The following TEP1 variants were observed in gnomAD, a reference collection of about 807,000 sequenced individuals.
The protein encoded by TEP1 is telomerase protein component 1.
A neutral mutation model predicts 306.3 loss-of-function variants in TEP1; 241 were observed. The ratio of observed to expected loss-of-function variants is 0.79; its 90% CI spans 0.71 to 0.88. TEP1 has a LOEUF of 0.88. Among genes scored for constraint, TEP1 ranks in the 40% least tolerant of loss-of-function variants. TEP1 has a pLI of 0.00. For missense variants in TEP1, 3,051 were observed against 3,276.1 expected, an observed-to-expected ratio of 0.93 and a Z score of 1.68; for synonymous variants, 1,289 against 1,305.5, an observed-to-expected ratio of 0.99 and a Z score of 0.27.
chr14:20,373,460 G>A (rs777727282), intron 46 of TEP1, 47 bp downstream of exon 46: 12 of 1,613,856 alleles, frequency 7.4e-6, no homozygotes, highest in Admixed American at 3.3e-5. Context: ...AGGTTATTCC[G>A]CATACCTTCC....
At chr14:20,395,381 G>C (rs1290029608) in intron 12 of TEP1, 69 bp downstream of exon 12, 7 of 1,439,384 alleles carry the variant, frequency 4.9e-6, no homozygotes, top group East Asian at 4.6e-5. Context: ...GGGATTCCCA[G>C]ATGACTTCCA....
chr14:20,396,852 G>A, intron 9 of TEP1, 122 bp from the exon 10 acceptor site: 6 of 576,758 alleles, frequency 1.0e-5, no homozygotes, highest in East Asian at 3.0e-5. Flanking sequence ...CCAGAACCCA[G>A]GAATTAGAGT....
At chr14:20,395,971 G>A (rs1878169772) in intron 10 of TEP1, 22 bp from the exon 11 acceptor site, 1 of 1,607,186 alleles carries the variant, frequency 6.2e-7, no homozygotes, top group Middle Eastern at 1.7e-4. Context: ...AGGAGGGAGG[G>A]GTCATGAGCA....
rs1224226081 is a variant in TEP1, at chr14:20,381,723, G to A, written c.4425-37C>T. On this transcript the variant is annotated intron_variant, in intron 30 of 54. Transcript: ENST00000262715. The surrounding 1 kb of genome is among the most constrained non-coding windows in gnomAD (Gnocchi z 4.0). ...TGAGGAAGGGAGAGAGAAGAAGGAA[G>A]AGGCCTGTCAGTGAGCTTCCTGGCA... 6.4e-7 allele frequency: 1 copy of A among 1,558,402 alleles called. No homozygotes were observed. The highest frequency in any genetic ancestry group is 1.4e-5 in the African/African-American group (1 of 72,546).
intron 5 of TEP1, among the ~76,000 whole-genome samples, 179 bp downstream of exon 5, chr14:20,404,432 A>G (rs1321381230): frequency 6.6e-6 from 1 of 151,850 alleles, no homozygotes; most frequent in Non-Finnish European, 1.5e-5. Flanking sequence ...GCCCTTCTCA[A>G]TCACATTCTC....
At chr14:20,371,767 A>C (rs929045902) in intron 49 of TEP1, 135 bp from the exon 50 acceptor site, 12 of 1,132,838 alleles carry the variant, frequency 1.1e-5, no homozygotes, top group South Asian at 5.5e-5. Flanking sequence ...ATCCTGTTCC[A>C]CTTTCTGGTT....
At position 20,381,136 on chromosome 14, in the gene TEP1, C is replaced by A; in HGVS notation, c.4648-91G>T. 1 of 1,263,624 alleles carries A rather than the reference C, an allele frequency of 7.9e-7. No homozygotes were observed. Among genetic ancestry groups the A allele is most frequent in the Non-Finnish European group, 1.2e-6 (1 of 864,506 alleles). 78.3% of individuals were successfully genotyped at this position (1,263,624 alleles called of 1,614,324 possible). ...CAGAACCTGGATACAGAGATAGGATCTGAGCTGGGACAAAGGACTTGAAGA... is the reference window on the plus strand; with the variant it reads ...CAGAACCTGGATACAGAGATAGGATATGAGCTGGGACAAAGGACTTGAAGA... On this transcript the variant is annotated intron_variant, in intron 32 of 54. Transcript: ENST00000262715. The surrounding 1 kb of genome is among the most constrained non-coding windows in gnomAD (Gnocchi z 4.0).
intron 1 of TEP1, 87 bp downstream of exon 1, chr14:20,413,318 C>G (rs986862839): frequency 6.6e-6 from 1 of 152,544 alleles, no homozygotes; most frequent in Admixed American, 6.5e-5. Context: ...GCCTCAGAGC[C>G]CAGCGCCCTA....
intron 9 of TEP1, 53 bp downstream of exon 9, chr14:20,400,931 G>T: frequency 6.3e-7 from 1 of 1,583,644 alleles, no homozygotes. Context: ...CTAAAATGTG[G>T]AGGCATAAAT....
chr14:20,381,082 G>A lies in TEP1; in HGVS notation c.4648-37C>T, dbSNP rs1380625170. On this transcript the variant is annotated intron_variant, in intron 32 of 54. Transcript: ENST00000262715. The surrounding 1 kb of genome is among the most constrained non-coding windows in gnomAD (Gnocchi z 4.0). ...AGATTGAATTCATTAGGGATATGAAGGGGCTGGTGAGAAGGGACAGTTTAG... is the reference window on the plus strand; with the variant it reads ...AGATTGAATTCATTAGGGATATGAAAGGGCTGGTGAGAAGGGACAGTTTAG... The A allele has an allele frequency of 6.4e-7, 1 of 1,554,066 alleles. No homozygotes were observed. The highest frequency in any genetic ancestry group is 8.9e-7 in the Non-Finnish European group (1 of 1,125,634).
chr14:20,372,813 GGT>G lies in TEP1; in HGVS notation c.6994_6995del (p.Thr2332LeufsTer7). 1.2e-6 allele frequency: 2 copies of G among 1,614,156 alleles called. No homozygotes were observed. Among genetic ancestry groups the G allele is most frequent in the Non-Finnish European group, 1.7e-6 (2 of 1,180,040 alleles). ...IGALIWSSAHTFFVLSADEKI... is the reference protein window; with the variant it reads ...IGALIWSSAHXFFVLSADEKI... ...TCTCATCAGCACTGAGGACAAAAAA[GGT>G]GTGTGCCGAGGACCAGATCAGAGCA... On this transcript the variant is annotated frameshift_variant, in exon 49 of 55. Transcript: ENST00000262715. LOFTEE classifies it high-confidence loss of function.
chr14:20,387,674 T>C (rs1334870014), intron 18 of TEP1, among the ~76,000 whole-genome samples: 1 of 152,256 alleles, frequency 6.6e-6, no homozygotes. Flanking sequence ...ACGGCCATGA[T>C]GTCTGCCGTC....
chr14:20,371,252 A>T lies in TEP1; in HGVS notation c.7283T>A (p.Leu2428Gln), dbSNP rs754552198. 1.2e-6 allele frequency: 2 copies of T among 1,614,228 alleles called. No individual in the cohort carries two copies. Among genetic ancestry groups the T allele is most frequent in the Non-Finnish European group, 8.5e-7 (1 of 1,180,026 alleles). Reference sequence around the variant, plus strand: ...AAGAACTCCAGGATCCTTGGGCTGCAGGACAAATATGCCATACTCCTTGTG... The same window carrying T: ...AAGAACTCCAGGATCCTTGGGCTGCTGGACAAATATGCCATACTCCTTGTG... ...STHKEYGIFV[L>Q]QPKDPGVLSF... Residue 2428 changes from leucine (L) to glutamine (Q), a missense_variant, in exon 51 of 55, where the codon CTG becomes CAG. By Grantham distance (113) the Leu-to-Gln change is moderately radical (BLOSUM62 -2). Transcript: ENST00000262715.
chr14:20,388,909 G>A (rs1434644771), intron 17 of TEP1, among the ~76,000 whole-genome samples: 2 of 152,186 alleles, frequency 1.3e-5, no homozygotes, highest in African/African-American at 2.4e-5. Context: ...CAGCACTTTG[G>A]GAGGCTGAGG....
rs1381185818 is a variant in TEP1, at chr14:20,389,695, T to C, written c.2380A>G (p.Ile794Val). 3 of 1,614,240 alleles carry C rather than the reference T, an allele frequency of 1.9e-6. No individual in the cohort carries two copies. Among genetic ancestry groups the C allele is most frequent in the Non-Finnish European group, 2.5e-6 (3 of 1,180,042 alleles). ...CAGTAAAGCTGTTTGGCCACATTTA[T>C]CATTCCATCATCCATGCTTTGGCCA... ...LLGQSMDDGM[I>V]NVAKQLYWQR... The change falls in exon 16 of 55, where the codon ATA (isoleucine) becomes GTA (valine). Residue 794 changes from isoleucine (I) to valine (V), a missense_variant. Coordinates refer to ENST00000262715, the MANE Select transcript of TEP1 (RefSeq NM_007110.5).
chr14:20,371,357 A>G lies in TEP1; in HGVS notation c.7221-43T>C, dbSNP rs1201971708. 2.5e-6 allele frequency: 4 copies of G among 1,602,220 alleles called. No individual in the cohort carries two copies. In the East Asian group the frequency reaches 6.7e-5, roughly 27 times the overall value. ...AATAGGTTGAGCTCAGGATTTAAAGAGAGGTAAAGAGAAGAACACCTCTCT... is the reference window on the plus strand; with the variant it reads ...AATAGGTTGAGCTCAGGATTTAAAGGGAGGTAAAGAGAAGAACACCTCTCT... On this transcript the variant is annotated intron_variant, in intron 50 of 54. Coordinates refer to ENST00000262715, the MANE Select transcript of TEP1 (RefSeq NM_007110.5).
intron 44 of TEP1, among the ~76,000 whole-genome samples, 154 bp downstream of exon 44, chr14:20,374,275 A>G (rs375126576): frequency 6.6e-6 from 1 of 151,876 alleles, no homozygotes; most frequent in East Asian, 1.9e-4. Flanking sequence ...TTTATTTTTT[A>G]TAGAGATGGG....
chr14:20,372,865 A>G lies in TEP1; in HGVS notation c.6952-8T>C. On this transcript the variant is annotated splice_region_variant and splice_polypyrimidine_tract_variant and intron_variant, in intron 48 of 54. Transcript: ENST00000262715. The stretch of plus-strand genomic sequence containing the variant: ...ACCAATGTGGCCTGGAGCCTGGTGT[A>G]CACAACAAGTTCAATTCAGTGCTTC... 6.2e-7 allele frequency: 1 copy of G among 1,614,180 alleles called. No homozygotes were observed. The highest frequency in any genetic ancestry group is 8.5e-7 in the Non-Finnish European group (1 of 1,180,036).
At chr14:20,378,337 GTCC>G in intron 38 of TEP1, 40 bp downstream of exon 38, 2 of 1,613,232 alleles carry the variant, frequency 1.2e-6, no homozygotes, top group South Asian at 1.1e-5. Context: ...CTCCACTCCT[GTCC>G]TCCTGTGCTT....
Sources: allele counts gnomAD v4.1 joint callset (sites outside exome capture counted in the v4.1 genomes callset), GRCh38; gene constraint gnomAD v4.1.1; non-coding constraint Gnocchi (gnomAD v3.1); transcripts MANE v1.5; gene names NCBI Gene and HGNC (gene_info 2026-07-23, HGNC 2026-07-21).